Variants in ERBB4 observed in about 807,000 individuals in gnomAD.
The protein encoded by ERBB4 is receptor tyrosine-protein kinase erbB-4.
ERBB4 carries 42 observed loss-of-function variants against 158.0 expected under a neutral mutation model. That is an observed-to-expected ratio of 0.27 (90% CI 0.21 to 0.34). The LOEUF is 0.34. ERBB4 is among the 10% of genes least tolerant of loss of function. ERBB4 has a pLI of 1.00. For synonymous variants in ERBB4, 583 were observed against 558.7 expected, an observed-to-expected ratio of 1.04 and a Z score of -0.61; for missense variants, 1,333 against 1,624.1, an observed-to-expected ratio of 0.82 and a Z score of 3.08.
chr2:212,358,269 A>G lies in ERBB4; in HGVS notation c.82+180180T>C, dbSNP rs185234486. Reference sequence around the variant, plus strand: ...ATTTTTAACAACTTCATATGCTTAAATATTTTAAGATCATGTCTTTTCCTA... The same window carrying G: ...ATTTTTAACAACTTCATATGCTTAAGTATTTTAAGATCATGTCTTTTCCTA... On this transcript the variant is annotated intron_variant, in intron 1 of 27. Transcript: ENST00000342788. 4.6e-5 allele frequency among the ~76,000 whole-genome samples: 7 copies of G among 151,956 alleles called. No homozygotes were observed. The East Asian group carries it at 1.2e-3, about 25-fold the overall frequency.
chr2:211,801,089 C>T (rs1421290100), intron 3 of ERBB4, among the ~76,000 whole-genome samples: 1 of 152,036 alleles, frequency 6.6e-6, no homozygotes, highest in African/African-American at 2.4e-5. Flanking sequence ...TTCCATTCCC[C>T]TTATAATTTA....
intron 3 of ERBB4, among the ~76,000 whole-genome samples, chr2:211,850,423 A>T (rs1446768458): frequency 6.6e-6 from 1 of 151,838 alleles, no homozygotes; most frequent in Non-Finnish European, 1.5e-5. Flanking sequence ...ATATATGTAT[A>T]CATATATAGG....
intron 1 of ERBB4, among the ~76,000 whole-genome samples, chr2:212,254,102 A>G (rs984354037): frequency 2.0e-5 from 3 of 151,512 alleles, no homozygotes; most frequent in African/African-American, 7.3e-5. Context: ...GTAAAATTTA[A>G]AAAAAAAATT....
chr2:212,112,526 T>C (rs1391274843), intron 2 of ERBB4, among the ~76,000 whole-genome samples: 1 of 152,052 alleles, frequency 6.6e-6, no homozygotes, highest in African/African-American at 2.4e-5. Flanking sequence ...AAATGGGTCA[T>C]TGGTAAATAG....
intron 2 of ERBB4, among the ~76,000 whole-genome samples, chr2:212,075,676 T>C (rs1254928101): frequency 6.6e-6 from 1 of 151,890 alleles, no homozygotes; most frequent in Non-Finnish European, 1.5e-5. Context: ...ACACATAACA[T>C]TGGTTGGTTT....
At chr2:212,437,623 C>T (rs1483135407) in intron 1 of ERBB4, among the ~76,000 whole-genome samples, 1 of 151,976 alleles carries the variant, frequency 6.6e-6, no homozygotes, top group African/African-American at 2.4e-5. Context: ...GTACATGCTA[C>T]AGAATAATGT....
intron 2 of ERBB4, among the ~76,000 whole-genome samples, chr2:212,009,276 C>T (rs2076329451): frequency 6.6e-6 from 1 of 151,878 alleles, no homozygotes; most frequent in South Asian, 2.1e-4. Flanking sequence ...ATTATTCAGG[C>T]AGGCCCTAAA....
At chr2:211,803,736 G>A (rs991918151) in intron 3 of ERBB4, among the ~76,000 whole-genome samples, 39 of 152,134 alleles carry the variant, frequency 2.6e-4, no homozygotes, top group African/African-American at 8.9e-4. Context: ...TACCACATCT[G>A]GTTTATTGAA....
rs1015348197 is a variant in ERBB4 at position 211,854,522 on chromosome 2, C to T, written c.422-66363G>A. ...CTTTCAACAGGCAATGCCATCATGA[C>T]TTCTTGAAGCACATATTAGTTTTAC... On this transcript the variant is annotated intron_variant, in intron 3 of 27. Coordinates refer to ENST00000342788, the MANE Select transcript of ERBB4 (RefSeq NM_005235.3). Among the ~76,000 whole-genome samples the T allele has an allele frequency of 5.9e-5, 9 of 152,108 alleles. 1 individual carries two copies. Among genetic ancestry groups the T allele is most frequent in the Admixed American group, 1.3e-4 (2 of 15,254 alleles).
chr2:211,881,100 T>G (rs909773097), intron 3 of ERBB4, among the ~76,000 whole-genome samples: 9 of 152,132 alleles, frequency 5.9e-5, no homozygotes, highest in African/African-American at 2.2e-4. Flanking sequence ...ACCAAGAGCC[T>G]AAAGAATGTC....
intron 1 of ERBB4, among the ~76,000 whole-genome samples, chr2:212,495,475 A>T (rs2106217049): frequency 6.6e-6 from 1 of 152,328 alleles, no homozygotes; most frequent in South Asian, 2.1e-4. Flanking sequence ...TTTCAACCCT[A>T]CTAGCAACTA....
chr2:211,894,491 G>T (rs1231659490), intron 3 of ERBB4, among the ~76,000 whole-genome samples: 1 of 150,694 alleles, frequency 6.6e-6, no homozygotes, highest in African/African-American at 2.5e-5. Flanking sequence ...CAGCGCACCA[G>T]CATGGCACAT....
intron 3 of ERBB4, among the ~76,000 whole-genome samples, chr2:211,828,956 G>A (rs1357889896): frequency 2.0e-5 from 3 of 152,200 alleles, no homozygotes; most frequent in Middle Eastern, 3.4e-3. Flanking sequence ...GAAATTTGCT[G>A]GTACCAACCA....
chr2:211,852,342 ATGC>A (rs1466020898), intron 3 of ERBB4, among the ~76,000 whole-genome samples: 4 of 152,010 alleles, frequency 2.6e-5, no homozygotes, highest in African/African-American at 9.7e-5. Flanking sequence ...GATTGATAGT[ATGC>A]TGAATCGGCA....
chr2:212,442,444 G>A (rs2105981978), intron 1 of ERBB4, among the ~76,000 whole-genome samples: 1 of 152,164 alleles, frequency 6.6e-6, no homozygotes, highest in East Asian at 1.9e-4. Flanking sequence ...CTTTTACCAG[G>A]GTAACTGTGC....
intron 1 of ERBB4, among the ~76,000 whole-genome samples, chr2:212,219,347 G>A (rs1303002886): frequency 1.3e-5 from 2 of 151,364 alleles, no homozygotes; most frequent in Non-Finnish European, 3.0e-5. Context: ...AGGTGACTAT[G>A]TCACATTTAT....
intron 27 of ERBB4, among the ~76,000 whole-genome samples, chr2:211,384,765 C>T (rs188509545): frequency 1.3e-5 from 2 of 152,082 alleles, no homozygotes; most frequent in East Asian, 3.9e-4. Flanking sequence ...CAATCATAAT[C>T]ACAAAGTAGC....
chr2:212,368,477 T>C (rs1250689290), intron 1 of ERBB4, among the ~76,000 whole-genome samples: 1 of 152,092 alleles, frequency 6.6e-6, no homozygotes, highest in East Asian at 1.9e-4. Context: ...TGGTGCAGTG[T>C]ATACTGCTTG....
intron 2 of ERBB4, among the ~76,000 whole-genome samples, chr2:211,959,997 T>G (rs1001467314): frequency 1.5e-4 from 23 of 151,984 alleles, no homozygotes; most frequent in Non-Finnish European, 3.1e-4. Flanking sequence ...TACACAGGGG[T>G]GAAGTGGATA....
Sources: gnomAD v4.1 joint callset for allele counts (sites outside exome capture counted in the v4.1 genomes callset) on GRCh38, gnomAD v4.1.1 for gene constraint, MANE v1.5 for transcripts, NCBI Gene and HGNC (gene_info 2026-07-23, HGNC 2026-07-21) for gene names.